The following TRPV6 variants were observed in gnomAD, a reference collection of about 807,000 sequenced individuals.
The protein encoded by TRPV6 is Alu-binding protein with zinc finger domain.
A neutral mutation model predicts 79.0 loss-of-function variants in TRPV6; 39 were observed. The observed-to-expected ratio is 0.49, with a 90% CI of 0.38 to 0.64. The LOEUF (loss-of-function observed/expected upper bound fraction) is 0.64. Among genes scored for constraint, TRPV6 ranks in the 30% least tolerant of loss-of-function variants. The pLI is 0.00. For synonymous variants in TRPV6, 373 were observed against 391.9 expected, an observed-to-expected ratio of 0.95 and a Z score of 0.57; for missense variants, 813 against 1,011.1, an observed-to-expected ratio of 0.80 and a Z score of 2.66.
intron 6 of TRPV6, chr7:142,876,117 G>A (rs1586189010): frequency 1.5e-6 from 1 of 676,858 alleles, no homozygotes; most frequent in Non-Finnish European, 2.4e-6. Flanking sequence ...GTTTGGAAAG[G>A]AGAGACGAGA....
intron 3 of TRPV6, 180 bp from the exon 4 acceptor site, chr7:142,877,459 C>A (rs920136005): frequency 3.4e-6 from 5 of 1,456,368 alleles, no homozygotes; most frequent in Non-Finnish European, 4.6e-6. Flanking sequence ...TTCTCTAGGC[C>A]CCTGGCATTT....
At position 142,871,897 on chromosome 7, in the gene TRPV6, G is replaced by A. The variant is rs1794942035; in HGVS notation, c.2108C>T (p.Ser703Leu). The A allele has an allele frequency of 1.2e-6, 2 of 1,614,078 alleles. No homozygotes were observed. Among genetic ancestry groups the A allele is most frequent in the Non-Finnish European group, 1.7e-6 (2 of 1,180,042 alleles). ...ACAGCCCAGCTCTAGTTTTTCCACT[G>A]AGTCTTTGTCCAAATCCTCAGAGCC... The change falls in exon 15 of 15, where the codon TCA (serine) becomes TTA (leucine). Residue 703 changes from serine (S) to leucine (L), a missense_variant. Ser to Leu is a moderately radical substitution (Grantham distance 145, BLOSUM62 -2). Around this residue, in one of 3 missense-constraint regions of TRPV6, gnomAD observed 164 missense variants for 186.1 expected, o/e 0.88. Transcript: ENST00000359396.
At position 142,877,648 on chromosome 7, in the gene TRPV6, C is replaced by A. The variant is rs1448870485; in HGVS notation, c.469+3G>T. 1 of 1,613,988 alleles carries A rather than the reference C, an allele frequency of 6.2e-7. No individual in the cohort carries two copies. ...TCTTCACCCCAGACCCGTGGGCCCT[C>A]ACCCTCATAGAGCTCAGATGTCATG... On this transcript the variant is annotated splice_donor_region_variant and intron_variant, in intron 3 of 14. Transcript: ENST00000359396.
chr7:142,875,573 G>T lies in TRPV6; in HGVS notation c.1137C>A (p.Tyr379Ter). 1 of 1,613,578 alleles carries T rather than the reference G, an allele frequency of 6.2e-7. No individual in the cohort carries two copies. The highest frequency in any genetic ancestry group is 2.2e-5 in the East Asian group (1 of 44,870). ...TGCAGCACATGGTGAAGCAGATGAT[G>T]TACAGCAGATATATGGCACCCAGCA... is the stretch of plus-strand genomic sequence containing the variant. The change falls in exon 8 of 15, where the codon TAC (tyrosine) becomes TAA (stop). Residue 379 changes from tyrosine to a stop codon, truncating the protein, a stop_gained. Transcript: ENST00000359396. LOFTEE classifies it high-confidence loss of function.
chr7:142,877,591 C>A, intron 3 of TRPV6, 60 bp downstream of exon 3: 1 of 1,581,700 alleles, frequency 6.3e-7, no homozygotes, highest in Admixed American at 1.8e-5. Context: ...ATCACAGAGA[C>A]TGACTTGAAA....
At chr7:142,876,284 A>C (rs1795066461) in intron 6 of TRPV6, 124 bp downstream of exon 6, 3 of 1,422,204 alleles carry the variant, frequency 2.1e-6, no homozygotes, top group South Asian at 1.4e-5. Context: ...GGGGTTGAAA[A>C]ATTTCTGAGT....
chr7:142,875,178 A>G lies in TRPV6; in HGVS notation c.1243-14T>C. On this transcript the variant is annotated splice_polypyrimidine_tract_variant and intron_variant, in intron 8 of 14. Transcript: ENST00000359396. ...CATGTAGGCTTCCTAATGGGGGAGAAGAACAGTCAAAATGCTCAGGGCTTT... is the reference window on the plus strand; with the variant it reads ...CATGTAGGCTTCCTAATGGGGGAGAGGAACAGTCAAAATGCTCAGGGCTTT... The G allele has an allele frequency of 1.2e-6, 2 of 1,613,974 alleles. No homozygotes were observed. The highest frequency in any genetic ancestry group is 2.2e-5 in the East Asian group (1 of 44,840).
At chr7:142,874,452 C>T (rs774732345) in intron 11 of TRPV6, 39 bp downstream of exon 11, 3 of 1,611,918 alleles carry the variant, frequency 1.9e-6, no homozygotes, top group Non-Finnish European at 2.5e-6. Context: ...GACTGTGGCT[C>T]TGGGGCCTTT....
In TRPV6 at chr7:142,885,461, A is replaced by C. The variant is rs200004493; in HGVS notation, c.176T>G (p.Phe59Cys). ...CTCCCGTCTCTGGAACCATCTGCAG[A>C]ACTTGCTCCATAGGCAGAGAATTAG... The change falls in exon 1 of 15, where the codon TTC becomes TGC. Residue 59 changes from phenylalanine to cysteine, a missense_variant. Phe to Cys is a radical substitution (Grantham distance 205). This residue lies in a region of TRPV6 where 555 missense variants were observed against 631.0 expected (regional missense o/e 0.88). Coordinates refer to ENST00000359396, the MANE Select transcript of TRPV6 (RefSeq NM_018646.6). 3.7e-6 allele frequency: 6 copies of C among 1,613,936 alleles called. No individual in the cohort carries two copies. In the East Asian group the frequency reaches 1.3e-4, roughly 36 times the overall value.
intron 1 of TRPV6, chr7:142,881,606 G>C (rs1440373423): frequency 1.3e-5 from 2 of 152,150 alleles, no homozygotes; most frequent in African/African-American, 4.8e-5. Flanking sequence ...GGTATTTTCA[G>C]GTTCTAGAAT....
chr7:142,885,669 G>A lies in TRPV6; in HGVS notation c.-33C>T. Reference sequence around the variant, plus strand: ...CTCCTGCCTTCCTGACGAGTTCCTTGGGAGTCTCCCAGCAGCCCCAGCCAG... The same window carrying A: ...CTCCTGCCTTCCTGACGAGTTCCTTAGGAGTCTCCCAGCAGCCCCAGCCAG... On this transcript the variant is annotated 5_prime_UTR_variant, in exon 1 of 15. Transcript: ENST00000359396. The A allele has an allele frequency of 9.1e-7, 1 of 1,098,078 alleles. No homozygotes were observed. Among genetic ancestry groups the A allele is most frequent in the Non-Finnish European group, 1.3e-6 (1 of 794,770 alleles). The allele number at this position is 1,098,078 out of a possible 1,614,324, so 68.0% of individuals were successfully genotyped here. A position where few individuals can be genotyped will look rare whatever the true frequency, so the allele number is the denominator to read the frequency against.
chr7:142,874,903 C>T lies in TRPV6; in HGVS notation c.1406+1G>A. ...ATGGGAGTGAGAGGAAGGAAACTCACATGAGGACATGGAATGGGCCCCCAA... is the reference window on the plus strand; with the variant it reads ...ATGGGAGTGAGAGGAAGGAAACTCATATGAGGACATGGAATGGGCCCCCAA... On this transcript the variant is annotated splice_donor_variant, in intron 10 of 14. Transcript: ENST00000359396. LOFTEE classifies it high-confidence loss of function. The T allele has an allele frequency of 1.9e-6, 3 of 1,614,144 alleles. No homozygotes were observed. Among genetic ancestry groups the T allele is most frequent in the Non-Finnish European group, 1.7e-6 (2 of 1,180,030 alleles).
At chr7:142,876,101 T>C (rs1795061286) in intron 6 of TRPV6, 197 bp from the exon 7 acceptor site, 1 of 692,584 alleles carries the variant, frequency 1.4e-6, no homozygotes, top group East Asian at 2.7e-5. Context: ...CATGACTCCC[T>C]CCAGAGTTTG....
chr7:142,880,850 T>G (rs1795178343), intron 1 of TRPV6: 3 of 152,254 alleles, frequency 2.0e-5, no homozygotes, highest in Non-Finnish European at 4.4e-5. Flanking sequence ...ACACTTATAC[T>G]AGCAGCCTAT....
Position 142,876,777 on chromosome 7 carries a change from A to C in TRPV6, c.668T>G (p.Ile223Ser), listed in dbSNP as rs529924080. 6.2e-7 allele frequency: 1 copy of C among 1,613,954 alleles called. No homozygotes were observed. The highest frequency in any genetic ancestry group is 8.5e-7 in the Non-Finnish European group (1 of 1,180,006). ...GGCCCGGATGTCAGCTCCATGCTCA[A>C]TGAGCAGCCGCACGATCTCCTCACT... The change falls in exon 5 of 15, where the codon ATT becomes AGT. Residue 223 changes from isoleucine to serine, a missense_variant. Coordinates refer to ENST00000359396, the MANE Select transcript of TRPV6 (RefSeq NM_018646.6).
rs1795108589 is a variant in TRPV6 at position 142,877,758 on chromosome 7, G to T, written c.362C>A (p.Thr121Lys). 6.2e-7 allele frequency: 1 copy of T among 1,614,074 alleles called. No homozygotes were observed. Among genetic ancestry groups the T allele is most frequent in the South Asian group, 1.1e-5 (1 of 91,086 alleles). The change falls in exon 3 of 15, where the codon ACA becomes AAA. Residue 121 changes from threonine (T) to lysine (K), a missense_variant. This residue lies in a region of TRPV6 where 555 missense variants were observed against 631.0 expected (regional missense o/e 0.88). Transcript: ENST00000359396. ...ATAGAGGGCTGCTATGTGTAGCGCT[G>T]TTTCCCCCATGGCTCCTGGCATTTA...
intron 8 of TRPV6, 108 bp from the exon 9 acceptor site, chr7:142,875,272 A>C: frequency 7.1e-7 from 1 of 1,403,496 alleles, no homozygotes; most frequent in Non-Finnish European, 1.0e-6. Flanking sequence ...TTAATCTGTT[A>C]GGTTTGGGTC....
At position 142,885,504 on chromosome 7, in the gene TRPV6, G is replaced by A; in HGVS notation, c.133C>T (p.Leu45=). Reference sequence around the variant, plus strand: ...AGAATTAGCCCTTTCTCCTTGGGCAGTGACAAACCCATGGGGTGTAGGGCC... The same window carrying A: ...AGAATTAGCCCTTTCTCCTTGGGCAATGACAAACCCATGGGGTGTAGGGCC... Residue 45 remains leucine (L), a synonymous_variant, in exon 1 of 15, where the codon CTG becomes TTG. Coordinates refer to ENST00000359396, the MANE Select transcript of TRPV6 (RefSeq NM_018646.6). 1 of 1,612,764 alleles carries A rather than the reference G, an allele frequency of 6.2e-7. No individual in the cohort carries two copies. Among genetic ancestry groups the A allele is most frequent in the Non-Finnish European group, 8.5e-7 (1 of 1,179,206 alleles).
chr7:142,882,303 T>C (rs1462205265), intron 1 of TRPV6: 1 of 152,208 alleles, frequency 6.6e-6, no homozygotes, highest in Non-Finnish European at 1.5e-5. Context: ...CTTTTGCTCT[T>C]TACAACCTTC....
Sources: gnomAD v4.1 joint callset for allele counts on GRCh38, gnomAD v4.1.1 for gene constraint, gnomAD v4.1.1 regional missense constraint, MANE v1.5 for transcripts, NCBI Gene and HGNC (gene_info 2026-07-23, HGNC 2026-07-21) for gene names.